The following LYRM4 variants were observed in gnomAD, a reference collection of about 807,000 sequenced individuals.
The protein encoded by LYRM4 is LYR motif-containing protein 4.
LYRM4 carries 9 observed loss-of-function variants against 11.7 expected under a neutral mutation model. That is an observed-to-expected ratio of 0.77 (90% confidence interval 0.46 to 1.34). The LOEUF (loss-of-function observed/expected upper bound fraction) is 1.34, where lower values mean the gene tolerates loss of function less well. Ranked by LOEUF, LYRM4 falls within the 40% of genes most tolerant of loss-of-function variation. The pLI is 0.00. For missense variants in LYRM4, 133 were observed against 112.5 expected, an observed-to-expected ratio of 1.18 and a Z score of -0.82; for synonymous variants, 42 against 40.4, an observed-to-expected ratio of 1.04 and a Z score of -0.15.
the LYRM4 span, chr6:5,086,615 C>A: frequency 7.3e-7 from 1 of 1,370,892 alleles, no homozygotes; most frequent in South Asian, 1.5e-5. Flanking sequence ...ACGTGGAGCT[C>A]GGGCTGCCGC....
At chr6:5,232,301 T>C (rs1258771276) in intron 1 of LYRM4, among the ~76,000 whole-genome samples, 2 of 152,228 alleles carry the variant, frequency 1.3e-5, no homozygotes. Flanking sequence ...TGCAGAGCTC[T>C]GAGGAAAACT....
At chr6:5,153,900 T>TA (rs1256736721) in intron 2 of LYRM4, among the ~76,000 whole-genome samples, 1 of 152,110 alleles carries the variant, frequency 6.6e-6, no homozygotes, top group Non-Finnish European at 1.5e-5. Flanking sequence ...ACATCCCAGA[T>TA]AAAAATGCTA....
At chr6:5,225,895 T>C (rs1451117857) in intron 1 of LYRM4, among the ~76,000 whole-genome samples, 1 of 152,228 alleles carries the variant, frequency 6.6e-6, no homozygotes, top group South Asian at 2.1e-4. Flanking sequence ...GTCTAATAGG[T>C]GAAAAACAGT....
the LYRM4 span, among the ~76,000 whole-genome samples, chr6:5,096,626 C>T: frequency 6.6e-6 from 1 of 152,152 alleles, no homozygotes; most frequent in African/African-American, 2.4e-5. Context: ...GCAGTTGCCA[C>T]CAGCTCACCC....
chr6:5,162,504 A>AGC (rs879526158), intron 2 of LYRM4, among the ~76,000 whole-genome samples: 4 of 145,612 alleles, frequency 2.7e-5, no homozygotes, highest in African/African-American at 1.1e-4. Flanking sequence ...CGAGCGAGAG[A>AGC]GAGAGAGAGA....
At chr6:5,149,137 T>C (rs376176704) in intron 2 of LYRM4, among the ~76,000 whole-genome samples, 16 of 152,256 alleles carry the variant, frequency 1.1e-4, no homozygotes, top group Non-Finnish European at 8.8e-5. Context: ...TGTTCATTAA[T>C]ATTCAATGAA....
chr6:5,130,647 T>C (rs1284107644), intron 2 of LYRM4, among the ~76,000 whole-genome samples: 1 of 152,060 alleles, frequency 6.6e-6, no homozygotes, highest in East Asian at 1.9e-4. Context: ...CAACAAGTGG[T>C]ACACAGCAAG....
At chr6:5,092,344 T>A in the LYRM4 span, among the ~76,000 whole-genome samples, 1 of 152,158 alleles carries the variant, frequency 6.6e-6, no homozygotes, top group African/African-American at 2.4e-5. Flanking sequence ...TGAGGCAGCA[T>A]CTTTTTAAAC....
chr6:5,157,588 C>T (rs1384368407), intron 2 of LYRM4, among the ~76,000 whole-genome samples: 1 of 151,382 alleles, frequency 6.6e-6, no homozygotes, highest in Non-Finnish European at 1.5e-5. Flanking sequence ...ATGTAGGTTA[C>T]TTTAAAACAG....
chr6:5,138,571 G>T (rs1342621414), intron 2 of LYRM4: 5 of 232,954 alleles, frequency 2.1e-5, no homozygotes, highest in South Asian at 1.1e-4. Context: ...TAAGAATAAT[G>T]ACTGTTTTTT....
At chr6:5,085,863 C>T in the LYRM4 span, 3 of 1,530,808 alleles carry the variant, frequency 2.0e-6, no homozygotes, top group Non-Finnish European at 2.6e-6. Context: ...GCTGCTGCGC[C>T]AAGTGCAAGA....
intron 2 of LYRM4, among the ~76,000 whole-genome samples, chr6:5,159,697 C>A (rs1160580544): frequency 2.0e-5 from 3 of 152,200 alleles, no homozygotes; most frequent in Non-Finnish European, 4.4e-5. Context: ...CCTTTCCTTA[C>A]AATTCATACC....
the LYRM4 span, among the ~76,000 whole-genome samples, chr6:5,035,259 TC>T: frequency 6.6e-6 from 1 of 151,960 alleles, no homozygotes; most frequent in Non-Finnish European, 1.5e-5. Context: ...GGGGGTCCAG[TC>T]CCATTGAACT....
At position 5,140,232 on chromosome 6, in the gene LYRM4, G is replaced by GA. The variant is rs562532811; in HGVS notation, c.208-30742dup. Among the ~76,000 whole-genome samples, 22 of 150,710 alleles carry GA rather than the reference G, an allele frequency of 1.5e-4. No homozygotes were observed. The South Asian group carries it at 3.4e-3, about 23-fold the overall frequency. On this transcript the variant is annotated intron_variant, in intron 2 of 2. Transcript: ENST00000330636. ...AACAGAGCGAGACCCTGTCTCAAAAGAAAAAAAAACCTTTCACCACGTGAC... is the reference window on the plus strand; with the variant it reads ...AACAGAGCGAGACCCTGTCTCAAAAGAAAAAAAAAACCTTTCACCACGTGAC...
At chr6:5,101,812 T>G (rs547741309), downstream of LYRM4, among the ~76,000 whole-genome samples, 1 of 151,670 alleles carries the variant, frequency 6.6e-6, no homozygotes, top group East Asian at 1.9e-4. Flanking sequence ...TATCTTTCCC[T>G]CTCTCTTTTT....
intron 1 of LYRM4, among the ~76,000 whole-genome samples, chr6:5,225,326 G>T (rs4960074): frequency 0.7 from 106,090 of 151,240 alleles, 37,561 homozygotes; most frequent in South Asian, 0.81. Context: ...AAAATCATTC[G>T]CCCTCTCATT....
the LYRM4 span, among the ~76,000 whole-genome samples, chr6:5,040,348 GATAGATAC>G: frequency 3.1e-4 from 43 of 138,140 alleles, no homozygotes; most frequent in African/African-American, 1.0e-3. Flanking sequence ...TAGATAGATA[GATAGATAC>G]ATACATACAT....
chr6:5,238,906 T>A (rs761741761), intron 1 of LYRM4, among the ~76,000 whole-genome samples: 1 of 152,242 alleles, frequency 6.6e-6, no homozygotes, highest in Non-Finnish European at 1.5e-5. Flanking sequence ...CATTTATGCA[T>A]TTGAAATCTA....
chr6:5,094,501 A>G, the LYRM4 span, among the ~76,000 whole-genome samples: 2 of 152,156 alleles, frequency 1.3e-5, no homozygotes, highest in Non-Finnish European at 2.9e-5. Context: ...AAACAAAACA[A>G]CAAATTAGAA....
Sources: allele counts gnomAD v4.1 joint callset (sites outside exome capture counted in the v4.1 genomes callset), GRCh38; gene constraint gnomAD v4.1.1; transcripts MANE v1.5; gene names NCBI Gene and HGNC (gene_info 2026-07-23, HGNC 2026-07-21).